The following C12orf75 variants were observed in gnomAD, a reference collection of about 807,000 sequenced individuals.
C12orf75 encodes chromosome 12 open reading frame 75, also known as overexpressed in colon carcinoma 1 protein.
Under a neutral mutation model 11.4 loss-of-function variants are expected in C12orf75, and 4 were observed. That is an observed-to-expected ratio of 0.35 (90% confidence interval 0.17 to 0.80). The LOEUF is 0.80. Among genes scored for constraint, C12orf75 ranks in the 30% least tolerant of loss-of-function variants. The probability of loss-of-function intolerance (pLI) is 0.52; values close to 1 mark genes in which losing one functional copy is unlikely to be tolerated. For synonymous variants in C12orf75, 30 were observed against 30.0 expected (o/e 1.00, Z 0.00); for missense variants, 89 against 80.4 (o/e 1.11, Z -0.41).
rs112706681 is a variant in C12orf75, at chr12:105,340,815, A to G, written c.47-7787A>G. Among the ~76,000 whole-genome samples the G allele has an allele frequency of 6.8e-4, 104 of 152,324 alleles. 1 individual carries two copies. The highest frequency in any genetic ancestry group is 2.4e-3 in the African/African-American group (99 of 41,562). ...AATGAGAAGGGTGTTTATGAGAGAC[A>G]CAAGATGAGAAGACGGACATAGAAG... On this transcript the variant is annotated intron_variant, in intron 1 of 5. Transcript: ENST00000443585.
chr12:105,338,714 G>A (rs556629864), intron 1 of C12orf75, among the ~76,000 whole-genome samples: 1 of 150,754 alleles, frequency 6.6e-6, no homozygotes, highest in Non-Finnish European at 1.5e-5. Flanking sequence ...CATGGCAAGA[G>A]TGGAAGCAGT....
intron 2 of C12orf75, among the ~76,000 whole-genome samples, chr12:105,364,110 A>G (rs1372648581): frequency 6.6e-6 from 1 of 152,262 alleles, no homozygotes; most frequent in Non-Finnish European, 1.5e-5. Context: ...TACCAGTTAT[A>G]TACAGATTCA....
intron 1 of C12orf75, among the ~76,000 whole-genome samples, chr12:105,342,357 T>G (rs148019577): frequency 6.6e-6 from 1 of 152,182 alleles, no homozygotes; most frequent in South Asian, 2.1e-4. Flanking sequence ...GTTTGGCCCC[T>G]TCTTGCGCTC....
intron 5 of C12orf75, among the ~76,000 whole-genome samples, chr12:105,370,276 T>A (rs1321494332): frequency 6.6e-6 from 1 of 152,156 alleles, no homozygotes; most frequent in African/African-American, 2.4e-5. Flanking sequence ...AGGCCTAGGC[T>A]CTCCCAGGAG....
intron 5 of C12orf75, among the ~76,000 whole-genome samples, chr12:105,368,793 G>T (rs1871553973): frequency 6.6e-6 from 1 of 152,144 alleles, no homozygotes; most frequent in Non-Finnish European, 1.5e-5. Flanking sequence ...TCTGTGGGTA[G>T]CTACTTCTTT....
At chr12:105,330,997 G>A in intron 1 of C12orf75, 60 bp downstream of exon 1, 3 of 1,063,254 alleles carry the variant, frequency 2.8e-6, no homozygotes, top group Non-Finnish European at 3.6e-6. Context: ...CGGGAAGGAA[G>A]GGTGCAGGGA....
intron 1 of C12orf75, among the ~76,000 whole-genome samples, chr12:105,343,470 A>G (rs1892598679): frequency 1.3e-5 from 2 of 152,218 alleles, no homozygotes; most frequent in South Asian, 2.1e-4. Flanking sequence ...GTTTAAAGCA[A>G]ATGGGATCTT....
intron 1 of C12orf75, among the ~76,000 whole-genome samples, chr12:105,332,600 G>A (rs1483215827): frequency 1.3e-5 from 2 of 151,938 alleles, no homozygotes; most frequent in East Asian, 1.9e-4. Context: ...GCGTGGTGGC[G>A]CCTGCTTGTA....
chr12:105,355,796 A>G (rs1464859640), intron 2 of C12orf75, among the ~76,000 whole-genome samples: 1 of 152,242 alleles, frequency 6.6e-6, no homozygotes, highest in East Asian at 1.9e-4. Flanking sequence ...CTTATAGCAA[A>G]TGATATTTTT....
intron 5 of C12orf75, among the ~76,000 whole-genome samples, chr12:105,369,662 A>G (rs915586136): frequency 4.0e-5 from 6 of 150,706 alleles, no homozygotes; most frequent in Admixed American, 3.3e-4. Context: ...CCCTGTGTCC[A>G]TGTATTCTCA....
intron 1 of C12orf75, among the ~76,000 whole-genome samples, chr12:105,342,138 G>A (rs1339786660): frequency 6.6e-6 from 1 of 152,236 alleles, no homozygotes; most frequent in East Asian, 1.9e-4. Flanking sequence ...TGTGGTTTGA[G>A]TGCGTTCCCC....
rs189591698 is a variant in C12orf75, at chr12:105,348,402, G to C, written c.47-200G>C. 7.4e-3 allele frequency among the ~76,000 whole-genome samples: 1,033 copies of C among 140,476 alleles called. 7 individuals are homozygous for C. Among genetic ancestry groups the C allele is most frequent in the Middle Eastern group, 0.016 (4 of 256 alleles). The allele number at this position is 140,476 out of a possible 152,430, so 92.2% of individuals were successfully genotyped here. A position where few individuals can be genotyped will look rare whatever the true frequency, so the allele number is the denominator to read the frequency against. ...TGCACTCCAGCTTGGGCAACGAAGTGAGACTGTATCTGAAACAAAAAAAAA... is the reference window on the plus strand; with the variant it reads ...TGCACTCCAGCTTGGGCAACGAAGTCAGACTGTATCTGAAACAAAAAAAAA... On this transcript the variant is annotated intron_variant, in intron 1 of 5. Transcript: ENST00000443585.
intron 2 of C12orf75, among the ~76,000 whole-genome samples, chr12:105,348,893 G>C (rs1438041711): frequency 6.7e-6 from 1 of 150,006 alleles, no homozygotes; most frequent in African/African-American, 2.4e-5. Flanking sequence ...CATCCCAACT[G>C]GTATAGAGAT....
At chr12:105,338,731 A>AAGGG (rs141741408) in intron 1 of C12orf75, among the ~76,000 whole-genome samples, 16,410 of 151,982 alleles carry the variant, frequency 0.11, 1,681 homozygotes, top group East Asian at 0.51. Flanking sequence ...CAGTAGAGAG[A>AAGGG]AGGGAGGGAG....
At chr12:105,332,648 T>C (rs939957418) in intron 1 of C12orf75, among the ~76,000 whole-genome samples, 7 of 151,598 alleles carry the variant, frequency 4.6e-5, no homozygotes, top group South Asian at 4.2e-4. Context: ...CGAGAATTGC[T>C]TGAACCTGGG....
intron 1 of C12orf75, among the ~76,000 whole-genome samples, chr12:105,345,580 G>T: frequency 6.6e-6 from 1 of 151,360 alleles, no homozygotes; most frequent in Non-Finnish European, 1.5e-5. Flanking sequence ...GCTGTCGTTT[G>T]TGGGGGGAAA....
At chr12:105,350,527 G>T (rs1016026196) in intron 2 of C12orf75, among the ~76,000 whole-genome samples, 2 of 152,188 alleles carry the variant, frequency 1.3e-5, no homozygotes, top group Non-Finnish European at 1.5e-5. Context: ...GTTCTGTAGG[G>T]CATGTGTGTT....
chr12:105,343,925 A>C (rs1238260790), intron 1 of C12orf75, among the ~76,000 whole-genome samples: 1 of 152,040 alleles, frequency 6.6e-6, no homozygotes, highest in African/African-American at 2.4e-5. Flanking sequence ...CACCCCTACC[A>C]TTGCAGTTAT....
chr12:105,364,375 G>A (rs1871396883), intron 2 of C12orf75, among the ~76,000 whole-genome samples: 1 of 152,188 alleles, frequency 6.6e-6, no homozygotes, highest in Non-Finnish European at 1.5e-5. Flanking sequence ...ACCATCTAGT[G>A]AATTTAGGTT....
Sources: gnomAD v4.1 joint callset for allele counts (sites outside exome capture counted in the v4.1 genomes callset) on GRCh38, gnomAD v4.1.1 for gene constraint, MANE v1.5 for transcripts, NCBI Gene and HGNC (gene_info 2026-07-23, HGNC 2026-07-21) for gene names.